AFF2: variants seen among roughly 807,000 people sequenced by gnomAD.
The protein encoded by AFF2 is AF4/FMR2 family member 2.
AFF2 carries 14 observed loss-of-function variants against 76.9 expected under a neutral mutation model. That is an observed-to-expected ratio of 0.18 (90% CI 0.12 to 0.28). AFF2 has a LOEUF of 0.28. Ranked by LOEUF, AFF2 falls within the 10% of genes least tolerant of loss-of-function variation. AFF2 has a pLI of 1.00. For synonymous variants in AFF2, 398 were observed against 366.7 expected (o/e 1.09, Z -0.98); for missense variants, 868 against 1,001.1 (o/e 0.87, Z 1.79).
At chrX:148,820,227 T>C (rs1367285628) in intron 4 of AFF2, among the ~76,000 whole-genome samples, 1 of 111,749 alleles carries the variant, frequency 8.9e-6, no homozygotes, top group Non-Finnish European at 1.9e-5. Flanking sequence ...ACACCTTTAC[T>C]GTGTGCATCT....
At chrX:148,946,308 AG>A (rs1248222550) in intron 9 of AFF2, among the ~76,000 whole-genome samples, 1 of 112,399 alleles carries the variant, frequency 8.9e-6, no homozygotes, top group Admixed American at 9.4e-5. Flanking sequence ...TTAGCCATCA[AG>A]GTTCCCTTCC....
intron 3 of AFF2, among the ~76,000 whole-genome samples, chrX:148,801,112 A>G (rs2070052553): frequency 8.9e-6 from 1 of 111,827 alleles, no homozygotes; most frequent in African/African-American, 3.3e-5. Context: ...AGTCCTGGTC[A>G]TTAGTCCTAC....
chrX:148,975,490 C>T (rs782200314), intron 16 of AFF2, among the ~76,000 whole-genome samples: 2 of 111,766 alleles, frequency 1.8e-5, no homozygotes, highest in African/African-American at 6.5e-5. Flanking sequence ...ATAACATGCA[C>T]ACTACAATTA....
chrX:148,982,117 A>T (rs781913552), intron 19 of AFF2, among the ~76,000 whole-genome samples: 1 of 112,164 alleles, frequency 8.9e-6, no homozygotes, highest in Admixed American at 9.4e-5. Context: ...TTAAAGAATC[A>T]CTGGGGAAAA....
At chrX:148,717,255 A>G (rs1156436543) in intron 3 of AFF2, among the ~76,000 whole-genome samples, 1 of 112,478 alleles carries the variant, frequency 8.9e-6, no homozygotes, top group Non-Finnish European at 1.9e-5. Flanking sequence ...GTACGAATAC[A>G]TACCACAACA....
intron 9 of AFF2, among the ~76,000 whole-genome samples, chrX:148,920,021 T>C (rs868907691): frequency 8.9e-6 from 1 of 112,055 alleles, no homozygotes; most frequent in Non-Finnish European, 1.9e-5. Context: ...TCAACAAAAC[T>C]ATAGTCAATC....
intron 1 of AFF2, among the ~76,000 whole-genome samples, chrX:148,523,445 A>T (rs782742024): frequency 8.0e-5 from 9 of 112,226 alleles, no homozygotes; most frequent in Non-Finnish European, 1.7e-4. Context: ...TATTTTCATT[A>T]TACATATGCT....
intron 1 of AFF2, among the ~76,000 whole-genome samples, chrX:148,569,690 C>A (rs73638166): frequency 0.027 from 2,939 of 110,761 alleles, 89 homozygotes; most frequent in African/African-American, 0.092. Context: ...GGTGTTAGCC[C>A]CTTGTGACAT....
At chrX:148,951,271 C>T (rs1310052595) in intron 9 of AFF2, among the ~76,000 whole-genome samples, 1 of 111,131 alleles carries the variant, frequency 9.0e-6, no homozygotes, top group East Asian at 2.8e-4. Flanking sequence ...AATAAATCAT[C>T]CCTGCTTCAT....
intron 9 of AFF2, among the ~76,000 whole-genome samples, chrX:148,927,584 G>A (rs1276399415): frequency 7.2e-5 from 8 of 110,827 alleles, no homozygotes; most frequent in Admixed American, 6.8e-4. Flanking sequence ...AAGATACCTG[G>A]AGGCTAGGTT....
chrX:148,516,922 A>T (rs181757375), intron 1 of AFF2, among the ~76,000 whole-genome samples: 2 of 111,865 alleles, frequency 1.8e-5, no homozygotes, highest in Non-Finnish European at 3.8e-5. Context: ...ATTCCACTCT[A>T]ATACTACATC....
chrX:148,579,675 T>TA (rs2053331677), intron 1 of AFF2, among the ~76,000 whole-genome samples: 1 of 111,619 alleles, frequency 9.0e-6, no homozygotes, highest in African/African-American at 3.3e-5. Context: ...CTGGACTAAA[T>TA]AAAATTAAGG....
At chrX:148,644,160 G>A (rs1469899554) in intron 1 of AFF2, among the ~76,000 whole-genome samples, 1 of 111,847 alleles carries the variant, frequency 8.9e-6, no homozygotes, top group Non-Finnish European at 1.9e-5. Flanking sequence ...CTGAGAAGCC[G>A]AGATATTCTG....
At chrX:148,756,854 A>G (rs192400308) in intron 3 of AFF2, among the ~76,000 whole-genome samples, 13 of 112,382 alleles carry the variant, frequency 1.2e-4, no homozygotes, top group Admixed American at 9.4e-4. Context: ...GTAAGTGAAT[A>G]AAAGTAGAAC....
intron 3 of AFF2, among the ~76,000 whole-genome samples, chrX:148,724,418 A>G (rs1243381527): frequency 1.8e-5 from 2 of 111,975 alleles, no homozygotes; most frequent in Non-Finnish European, 1.9e-5. Flanking sequence ...CATAAATTGC[A>G]TAAATTGCAT....
intron 5 of AFF2, among the ~76,000 whole-genome samples, chrX:148,842,298 T>A (rs1392042677): frequency 4.4e-5 from 5 of 112,728 alleles, no homozygotes; most frequent in African/African-American, 6.4e-5. Flanking sequence ...CAAATCTGGA[T>A]TTCTCAAAAC....
chrX:148,524,349 T>C (rs1210133044), intron 1 of AFF2, among the ~76,000 whole-genome samples: 1 of 111,564 alleles, frequency 9.0e-6, no homozygotes, highest in African/African-American at 3.3e-5. Context: ...AAATATTCTG[T>C]TTTTGTAGGC....
chrX:148,774,938 C>T (rs1483090417), intron 3 of AFF2, among the ~76,000 whole-genome samples: 1 of 111,754 alleles, frequency 8.9e-6, no homozygotes, highest in Non-Finnish European at 1.9e-5. Context: ...GGACTTGAAC[C>T]GGCAGAGTAA....
chrX:148,682,578 G>GTGGA (rs781792992), intron 3 of AFF2, among the ~76,000 whole-genome samples: 3,091 of 106,293 alleles, frequency 0.029, 84 homozygotes, highest in African/African-American at 0.076. Flanking sequence ...GGGTGGACAG[G>GTGGA]TGGATGGATG....
Sources: gnomAD v4.1 joint callset for allele counts (sites outside exome capture counted in the v4.1 genomes callset) on GRCh38, gnomAD v4.1.1 for gene constraint, MANE v1.5 for transcripts, NCBI Gene and HGNC (gene_info 2026-07-23, HGNC 2026-07-21) for gene names.